The following RAPGEF1 variants were observed in gnomAD, a reference collection of about 807,000 sequenced individuals.
RAPGEF1 encodes the protein Rap guanine nucleotide exchange factor 1.
Under a neutral mutation model 143.3 loss-of-function variants are expected in RAPGEF1, and 33 were observed. That is an observed-to-expected ratio of 0.23 (90% CI 0.17 to 0.31). RAPGEF1 has a LOEUF of 0.31. Among genes scored for constraint, RAPGEF1 ranks in the 10% least tolerant of loss-of-function variants. The probability of loss-of-function intolerance (pLI) is 1.00; values close to 1 mark genes in which losing one functional copy is unlikely to be tolerated. For missense variants in RAPGEF1, 1,199 were observed against 1,645.4 expected (o/e 0.73, Z 4.69); for synonymous variants, 629 against 676.5 (o/e 0.93, Z 1.09).
chr9:131,619,006 C>T (rs1223704985), intron 12 of RAPGEF1, 45 bp downstream of exon 12: 2 of 1,330,432 alleles, frequency 1.5e-6, no homozygotes, highest in Non-Finnish European at 1.0e-6. Context: ...AAGGAACGGC[C>T]CTGTTCACGC....
At chr9:131,627,292 AAT>A (rs1588569302) in intron 9 of RAPGEF1, among the ~76,000 whole-genome samples, 1 of 151,926 alleles carries the variant, frequency 6.6e-6, no homozygotes, top group South Asian at 2.1e-4. Flanking sequence ...TCTAGTTATC[AAT>A]ATGAGTGATT....
chr9:131,657,993 A>G (rs1018144575), intron 1 of RAPGEF1, among the ~76,000 whole-genome samples: 1 of 152,186 alleles, frequency 6.6e-6, no homozygotes, highest in Non-Finnish European at 1.5e-5. Context: ...TTCGTTTTCA[A>G]TGCTGAGAAA....
intron 1 of RAPGEF1, among the ~76,000 whole-genome samples, chr9:131,684,674 A>G (rs1213288791): frequency 2.0e-5 from 3 of 152,260 alleles, no homozygotes; most frequent in Non-Finnish European, 4.4e-5. Context: ...AAGCAGAACA[A>G]CTGATTTAGT....
intron 14 of RAPGEF1, among the ~76,000 whole-genome samples, chr9:131,603,708 T>A (rs1956644390): frequency 1.3e-5 from 2 of 152,068 alleles, no homozygotes; most frequent in African/African-American, 2.4e-5. Context: ...GATTTCTAGA[T>A]GACCCATCTG....
At chr9:131,624,148 G>C (rs1187094250) in intron 10 of RAPGEF1, among the ~76,000 whole-genome samples, 7 of 152,204 alleles carry the variant, frequency 4.6e-5, no homozygotes, top group African/African-American at 1.7e-4. Context: ...CTCAGGCCAG[G>C]CTCTCAGTCC....
At position 131,650,332 on chromosome 9, in the gene RAPGEF1, A is replaced by T; in HGVS notation, c.202-90T>A. ...GTTGATGAAAGTCAATAGCTGTTTC[A>T]ACATATCTGGCTTGACTGGCCCTGC... On this transcript the variant is annotated intron_variant, in intron 2 of 26. Coordinates refer to ENST00000683357, the MANE Select transcript of RAPGEF1 (RefSeq NM_001377935.1). This position sits in a 1 kb window ranked among gnomAD's most constrained non-coding sequence, Gnocchi z 4.7. 1 of 981,606 alleles carries T rather than the reference A, an allele frequency of 1.0e-6. No individual in the cohort carries two copies. The highest frequency in any genetic ancestry group is 1.5e-6 in the Non-Finnish European group (1 of 652,192). 60.8% of individuals were successfully genotyped at this position (981,606 alleles called of 1,614,324 possible). A position where few individuals can be genotyped will look rare whatever the true frequency, so the allele number is the denominator to read the frequency against.
intron 1 of RAPGEF1, among the ~76,000 whole-genome samples, chr9:131,716,577 G>T (rs1589090577): frequency 6.6e-6 from 1 of 152,140 alleles, no homozygotes; most frequent in Non-Finnish European, 1.5e-5. Context: ...ACCTGCCTGG[G>T]CAACATGGCA....
chr9:131,627,368 G>GAAA (rs1652611538), intron 9 of RAPGEF1, among the ~76,000 whole-genome samples: 1 of 151,894 alleles, frequency 6.6e-6, no homozygotes, highest in South Asian at 2.1e-4. Flanking sequence ...TCCTACCAAT[G>GAAA]AAAATCTTGC....
chr9:131,686,377 T>C lies in RAPGEF1; in HGVS notation c.62-35428A>G, dbSNP rs531548214. Among the ~76,000 whole-genome samples the C allele has an allele frequency of 1.1e-3, 170 of 152,372 alleles. 3 individuals carry two copies. In the South Asian group the frequency reaches 0.02, roughly 18 times the overall value. On this transcript the variant is annotated intron_variant, in intron 1 of 26. Coordinates refer to ENST00000683357, the MANE Select transcript of RAPGEF1 (RefSeq NM_001377935.1). Reference sequence around the variant, plus strand: ...TTCCAATGCTGAAGACAACTGGCTCTGTGGGTCTCCGACAAGGATTCTCTG... The same window carrying C: ...TTCCAATGCTGAAGACAACTGGCTCCGTGGGTCTCCGACAAGGATTCTCTG...
At chr9:131,586,093 G>T (rs566781791) in intron 22 of RAPGEF1, among the ~76,000 whole-genome samples, 11 of 151,956 alleles carry the variant, frequency 7.2e-5, no homozygotes, top group Non-Finnish European at 1.6e-4. Flanking sequence ...GCAGGAGAAT[G>T]GCGTGAACCC....
intron 3 of RAPGEF1, among the ~76,000 whole-genome samples, chr9:131,646,451 T>C (rs7867056): frequency 0.28 from 42,933 of 152,126 alleles, 6,069 homozygotes; most frequent in South Asian, 0.36. Flanking sequence ...GGACATAAAA[T>C]CCCCATCGCC....
chr9:131,721,976 T>G (rs1341517452), intron 1 of RAPGEF1, among the ~76,000 whole-genome samples: 1 of 152,200 alleles, frequency 6.6e-6, no homozygotes, highest in Non-Finnish European at 1.5e-5. Flanking sequence ...GATACTGTAG[T>G]TTTTCACAGC....
chr9:131,660,341 T>C (rs1393805143), intron 1 of RAPGEF1, among the ~76,000 whole-genome samples: 2 of 152,216 alleles, frequency 1.3e-5, no homozygotes, highest in East Asian at 3.8e-4. Context: ...TAAAAAATTT[T>C]CAAACAATCT....
At chr9:131,727,263 C>G (rs1219755452) in intron 1 of RAPGEF1, among the ~76,000 whole-genome samples, 1 of 151,984 alleles carries the variant, frequency 6.6e-6, no homozygotes, top group East Asian at 1.9e-4. Flanking sequence ...TTTCCAAGAC[C>G]CCGGGTATTT....
chr9:131,638,864 C>T (rs11243461), intron 4 of RAPGEF1, 73 bp from the exon 5 acceptor site: 100,840 of 1,453,478 alleles, frequency 0.069, 4,530 homozygotes, highest in African/African-American at 0.21. Flanking sequence ...GCCAGCTTCT[C>T]GGTGACAAGG....
rs145807915 is a variant in RAPGEF1 at position 131,629,047 on chromosome 9, C to G, written c.893+55G>C. 154 of 1,575,138 alleles carry G rather than the reference C, an allele frequency of 9.8e-5. 1 individual carries two copies. The East Asian group carries it at 3.4e-3, about 35-fold the overall frequency. Reference sequence around the variant, plus strand: ...GAAAGGGCCCGAGCCCTGTCTTCCTCCCTTTCTTTCTCATTCTGCCATGGG... The same window carrying G: ...GAAAGGGCCCGAGCCCTGTCTTCCTGCCTTTCTTTCTCATTCTGCCATGGG... On this transcript the variant is annotated intron_variant, in intron 7 of 26. Transcript: ENST00000683357.
intron 12 of RAPGEF1, among the ~76,000 whole-genome samples, chr9:131,606,391 CAAAGT>C (rs1957118940): frequency 6.6e-6 from 1 of 152,152 alleles, no homozygotes; most frequent in Non-Finnish European, 1.5e-5. Flanking sequence ...TGGCCACGTC[CAAAGT>C]CCTTGCAGAT....
chr9:131,620,527 T>A (rs1960563094), intron 11 of RAPGEF1, among the ~76,000 whole-genome samples: 1 of 152,176 alleles, frequency 6.6e-6, no homozygotes, highest in East Asian at 1.9e-4. Context: ...TTCTCAATTG[T>A]GTCTGTGGGA....
chr9:131,615,563 C>T (rs1365730524), intron 12 of RAPGEF1, among the ~76,000 whole-genome samples: 4 of 152,136 alleles, frequency 2.6e-5, no homozygotes, highest in South Asian at 2.1e-4. Flanking sequence ...AGTCCAGGCC[C>T]GGCAGAGCCT....
Sources: gnomAD v4.1 joint callset for allele counts (sites outside exome capture counted in the v4.1 genomes callset) on GRCh38, gnomAD v4.1.1 for gene constraint, Gnocchi (gnomAD v3.1) non-coding constraint, MANE v1.5 for transcripts, NCBI Gene and HGNC (gene_info 2026-07-23, HGNC 2026-07-21) for gene names.